RASGEF1B: variants seen among roughly 807,000 people sequenced by gnomAD.
RASGEF1B encodes the protein ras-GEF domain-containing family member 1B.
Under a neutral mutation model 65.7 loss-of-function variants are expected in RASGEF1B, and 30 were observed. That is an observed-to-expected ratio of 0.46 (90% CI 0.34 to 0.62). RASGEF1B has a LOEUF of 0.62. Among genes scored for constraint, RASGEF1B ranks in the 20% least tolerant of loss-of-function variants. RASGEF1B has a pLI of 0.01. For synonymous variants in RASGEF1B, 175 were observed against 194.8 expected (o/e 0.90, Z 0.85); for missense variants, 495 against 580.1 (o/e 0.85, Z 1.51).
At position 81,445,823 on chromosome 4, in the gene RASGEF1B, G is replaced by T; in HGVS notation, c.745C>A (p.Arg249=). The change falls in exon 7 of 14, where the codon CGG becomes AGG. Residue 249 remains arginine (R), a synonymous_variant. Coordinates refer to ENST00000264400, the MANE Select transcript of RASGEF1B (RefSeq NM_152545.3). ...LDNDKSCYSE[R]KKTRNLEAYV... ...GCTTCTAAGTTTCGTGTTTTCTTCC[G>T]TTCACTGTAGCAACTCTTTAGAGAA... 6.2e-7 allele frequency: 1 copy of T among 1,613,334 alleles called. No individual in the cohort carries two copies. The highest frequency in any genetic ancestry group is 1.1e-5 in the South Asian group (1 of 91,060).
intron 9 of RASGEF1B, among the ~76,000 whole-genome samples, chr4:81,441,195 G>C (rs1335472904): frequency 6.6e-6 from 1 of 152,118 alleles, no homozygotes; most frequent in African/African-American, 2.4e-5. Context: ...GTTGAGCTTA[G>C]ATGTAAAACA....
At chr4:81,462,328 A>G (rs1257329559) in intron 1 of RASGEF1B, among the ~76,000 whole-genome samples, 3 of 152,228 alleles carry the variant, frequency 2.0e-5, no homozygotes, top group Non-Finnish European at 4.4e-5. Flanking sequence ...AAATATCAAT[A>G]CTTAGAAAAC....
chr4:81,429,217 C>A (rs78847715), intron 13 of RASGEF1B, among the ~76,000 whole-genome samples: 6,441 of 152,184 alleles, frequency 0.042, 417 homozygotes, highest in African/African-American at 0.14. Flanking sequence ...TAGGGAAAAA[C>A]GGGCCAGGGA....
At chr4:81,445,988 G>A (rs777293136) in intron 6 of RASGEF1B, 150 bp from the exon 7 acceptor site, 5 of 629,490 alleles carry the variant, frequency 7.9e-6, no homozygotes, top group South Asian at 2.0e-5. Context: ...ACAACCACTG[G>A]CATTCTTGAT....
At chr4:81,461,928 T>A (rs372932991) in intron 1 of RASGEF1B, among the ~76,000 whole-genome samples, 2 of 152,296 alleles carry the variant, frequency 1.3e-5, no homozygotes, top group East Asian at 3.9e-4. Flanking sequence ...AGAGGCTAAT[T>A]AGCAGTAAGC....
intron 10 of RASGEF1B, among the ~76,000 whole-genome samples, chr4:81,435,280 G>A (rs936868267): frequency 3.9e-4 from 59 of 151,096 alleles, no homozygotes; most frequent in Admixed American, 5.9e-4. Context: ...GTGTGGTGGC[G>A]GGCGCCTGTA....
rs1721817874 is a variant in RASGEF1B, at chr4:81,441,079, A to G, written c.1009-150T>C. The G allele has an allele frequency of 7.2e-6, 4 of 554,872 alleles. No homozygotes were observed. In the Admixed American group the frequency reaches 9.4e-5, roughly 13 times the overall value. The allele number at this position is 554,872 out of a possible 1,614,324, so 34.4% of individuals were successfully genotyped here. A position where few individuals can be genotyped will look rare whatever the true frequency, so the allele number is the denominator to read the frequency against. ...TGATTTATCCTTCTCATACACACAA[A>G]TGCACATGACACAAGTGTTTTCTTT... is the stretch of plus-strand genomic sequence containing the variant. On this transcript the variant is annotated intron_variant, in intron 9 of 13. Transcript: ENST00000264400.
At chr4:81,435,609 C>T (rs1721597461) in intron 10 of RASGEF1B, among the ~76,000 whole-genome samples, 1 of 147,920 alleles carries the variant, frequency 6.8e-6, no homozygotes, top group Admixed American at 6.7e-5. Context: ...GCTGGGACTA[C>T]AGGAACCCAC....
rs1721253762 is a variant in RASGEF1B at position 81,427,089 on chromosome 4, T to G, written c.*679A>C. The G allele has an allele frequency of 6.6e-6, 1 of 151,788 alleles. No homozygotes were observed. Among genetic ancestry groups the G allele is most frequent in the South Asian group, 2.1e-4 (1 of 4,786 alleles). The allele number at this position is 151,788 out of a possible 1,614,324, so 9.4% of individuals were successfully genotyped here. A position where few individuals can be genotyped will look rare whatever the true frequency, so the allele number is the denominator to read the frequency against. ...TCTAGTGGCTATTTTCCTACCACAG[T>G]GTTGAGCTTCATTATTATATTAAAT... On this transcript the variant is annotated 3_prime_UTR_variant, in exon 14 of 14. Coordinates refer to ENST00000264400, the MANE Select transcript of RASGEF1B (RefSeq NM_152545.3).
At chr4:81,431,837 T>A (rs781052199) in intron 13 of RASGEF1B, among the ~76,000 whole-genome samples, 38 of 152,220 alleles carry the variant, frequency 2.5e-4, no homozygotes, top group South Asian at 1.0e-3. Flanking sequence ...CTCCAGATTA[T>A]GTTTAAAGTC....
At chr4:81,429,853 T>G (rs951609442) in intron 13 of RASGEF1B, among the ~76,000 whole-genome samples, 13 of 151,728 alleles carry the variant, frequency 8.6e-5, no homozygotes, top group African/African-American at 1.2e-4. Context: ...CGCTGGCAGA[T>G]GGGCACACCG....
chr4:81,438,242 A>G (rs893184843), intron 10 of RASGEF1B, among the ~76,000 whole-genome samples: 2 of 152,248 alleles, frequency 1.3e-5, no homozygotes, highest in African/African-American at 4.8e-5. Flanking sequence ...AGAATATTTA[A>G]GGGCTGCTGT....
At chr4:81,451,143 C>T (rs565219248) in intron 4 of RASGEF1B, 1 of 152,262 alleles carries the variant, frequency 6.6e-6, no homozygotes, top group Admixed American at 6.5e-5. Context: ...GTTTCACAGT[C>T]AGTAAAGCCT....
intron 5 of RASGEF1B, among the ~76,000 whole-genome samples, 154 bp from the exon 6 acceptor site, chr4:81,447,732 C>T (rs185157720): frequency 6.6e-6 from 1 of 152,214 alleles, no homozygotes; most frequent in African/African-American, 2.4e-5. Context: ...TCTTCAAGGT[C>T]TGTGCGGAGG....
In RASGEF1B at chr4:81,466,485, C is replaced by T. The variant is rs1021338837; in HGVS notation, c.-7+5285G>A. Reference sequence around the variant, plus strand: ...ATTTGAAAACGTCAAGATTGCCAGGCGCGGTGGCTCACGCCTGTAATCCCA... The same window carrying T: ...ATTTGAAAACGTCAAGATTGCCAGGTGCGGTGGCTCACGCCTGTAATCCCA... On this transcript the variant is annotated intron_variant, in intron 1 of 13. Coordinates refer to ENST00000264400, the MANE Select transcript of RASGEF1B (RefSeq NM_152545.3). Among the ~76,000 whole-genome samples, 13 of 152,032 alleles carry T rather than the reference C, an allele frequency of 8.6e-5. No individual in the cohort carries two copies. The East Asian group carries it at 1.5e-3, about 18-fold the overall frequency.
chr4:81,434,008 A>C, intron 11 of RASGEF1B, 45 bp from the exon 12 acceptor site: 1 of 1,548,190 alleles, frequency 6.5e-7, no homozygotes, highest in Non-Finnish European at 8.9e-7. Flanking sequence ...TCATAAAAAA[A>C]TAATTATGAG....
Position 81,432,286 on chromosome 4 carries a change from G to A in RASGEF1B, c.1397+13C>T. ...CTTCAGACTTGTGCAGCAATGAGAA[G>A]AATGAGACCCACCTTAAAGACTTCC... On this transcript the variant is annotated intron_variant, in intron 13 of 13. Transcript: ENST00000264400. 6.3e-7 allele frequency: 1 copy of A among 1,576,174 alleles called. No individual in the cohort carries two copies.
intron 6 of RASGEF1B, among the ~76,000 whole-genome samples, chr4:81,446,979 C>T (rs1248483523): frequency 6.6e-6 from 1 of 152,182 alleles, no homozygotes; most frequent in East Asian, 1.9e-4. Context: ...TATATGTGTA[C>T]ACTGATTTGA....
At chr4:81,432,858 T>A (rs1721477763) in intron 12 of RASGEF1B, among the ~76,000 whole-genome samples, 1 of 151,996 alleles carries the variant, frequency 6.6e-6, no homozygotes, top group African/African-American at 2.4e-5. Context: ...ATTTAAAAAT[T>A]CAAAAGTTTG....
Sources: allele counts gnomAD v4.1 joint callset (sites outside exome capture counted in the v4.1 genomes callset), GRCh38; gene constraint gnomAD v4.1.1; transcripts MANE v1.5; gene names NCBI Gene and HGNC (gene_info 2026-07-23, HGNC 2026-07-21).